Variants in DAB1 observed in about 807,000 individuals in gnomAD.
DAB1 encodes the protein DAB adaptor protein 1.
In DAB1, 15 loss-of-function variants were observed where a neutral mutation model predicts 64.6. The ratio of observed to expected loss-of-function variants is 0.23; its 90% CI spans 0.16 to 0.36. The LOEUF is 0.36. Ranked by LOEUF, DAB1 falls within the 10% of genes least tolerant of loss-of-function variation. The pLI, the probability that DAB1 is intolerant of heterozygous loss-of-function variation, is 1.00. For synonymous variants in DAB1, 235 were observed against 251.9 expected (o/e 0.93, Z 0.64); for missense variants, 596 against 706.7 (o/e 0.84, Z 1.78).
At chr1:57,997,062 C>T (rs1049196980) in intron 5 of DAB1, among the ~76,000 whole-genome samples, 1 of 152,044 alleles carries the variant, frequency 6.6e-6, no homozygotes, top group African/African-American at 2.4e-5. Context: ...TTGCAGTCAG[C>T]ACCAGGGAAA....
chr1:58,403,524 A>G (rs1408273268), intron 3 of DAB1, among the ~76,000 whole-genome samples: 1 of 152,186 alleles, frequency 6.6e-6, no homozygotes, highest in Non-Finnish European at 1.5e-5. Context: ...CAGCAATGTC[A>G]ACTGTTATTT....
chr1:57,744,542 C>A (rs1648170383), intron 6 of DAB1, among the ~76,000 whole-genome samples: 1 of 151,894 alleles, frequency 6.6e-6, no homozygotes, highest in Admixed American at 6.6e-5. Context: ...ATTCTAAGTA[C>A]TTGTAATTTA....
At chr1:57,879,530 GC>G (rs1464383275) in intron 1 of DAB1, among the ~76,000 whole-genome samples, 7 of 152,260 alleles carry the variant, frequency 4.6e-5, no homozygotes, top group African/African-American at 1.7e-4. Flanking sequence ...AAACTAAGAA[GC>G]CTCAGATGGC....
intron 5 of DAB1, among the ~76,000 whole-genome samples, chr1:57,966,213 G>T (rs1311704430): frequency 6.6e-6 from 1 of 152,120 alleles, no homozygotes; most frequent in Non-Finnish European, 1.5e-5. Context: ...AGGAGGTTGC[G>T]ATAAATTAAA....
intron 6 of DAB1, among the ~76,000 whole-genome samples, chr1:57,778,110 C>T (rs1374073625): frequency 6.6e-6 from 1 of 151,998 alleles, no homozygotes; most frequent in African/African-American, 2.4e-5. Flanking sequence ...TTAGAATTCT[C>T]TAGTTGTTCT....
intron 5 of DAB1, among the ~76,000 whole-genome samples, chr1:57,941,122 C>T (rs1002595699): frequency 3.9e-5 from 6 of 152,158 alleles, no homozygotes; most frequent in Admixed American, 2.0e-4. Flanking sequence ...GACAGTGACC[C>T]CTCAACATCC....
At chr1:58,298,624 A>T (rs1662045988) in intron 4 of DAB1, among the ~76,000 whole-genome samples, 1 of 152,246 alleles carries the variant, frequency 6.6e-6, no homozygotes, top group Admixed American at 6.5e-5. Flanking sequence ...GCAATTTGTC[A>T]CTGCACACAT....
intron 5 of DAB1, among the ~76,000 whole-genome samples, chr1:57,916,836 A>G (rs986011818): frequency 1.3e-5 from 2 of 152,068 alleles, no homozygotes; most frequent in Non-Finnish European, 2.9e-5. Flanking sequence ...CCAGCTACTC[A>G]GGAGACTGAG....
At chr1:57,350,742 C>A (rs983536166) in intron 1 of DAB1, among the ~76,000 whole-genome samples, 31 of 148,744 alleles carry the variant, frequency 2.1e-4, no homozygotes, top group African/African-American at 7.1e-4. Flanking sequence ...CAAGTGTCTT[C>A]AAAAAAAAAA....
At chr1:57,411,014 C>A (rs1396759616) in intron 1 of DAB1, among the ~76,000 whole-genome samples, 1 of 152,034 alleles carries the variant, frequency 6.6e-6, no homozygotes, top group East Asian at 1.9e-4. Context: ...GCCCTGGATC[C>A]TAAAATAATT....
chr1:57,606,305 C>T (rs940684582), intron 7 of DAB1: 12 of 147,660 alleles, frequency 8.1e-5, no homozygotes, highest in African/African-American at 3.0e-4. Flanking sequence ...ACACCACTTG[C>T]GACCGCATCA....
At chr1:57,248,119 A>T (rs537285009) in intron 2 of DAB1, among the ~76,000 whole-genome samples, 21 of 152,326 alleles carry the variant, frequency 1.4e-4, no homozygotes, top group Admixed American at 5.9e-4. Context: ...TAACCTGTGC[A>T]TATCCTCCTG....
intron 5 of DAB1, among the ~76,000 whole-genome samples, chr1:58,144,108 G>C (rs1427773620): frequency 6.6e-6 from 1 of 152,144 alleles, no homozygotes; most frequent in Non-Finnish European, 1.5e-5. Flanking sequence ...ATTTAGACGG[G>C]AACTACCAAG....
At chr1:57,422,133 T>C (rs1684961731) in intron 1 of DAB1, among the ~76,000 whole-genome samples, 1 of 152,236 alleles carries the variant, frequency 6.6e-6, no homozygotes, top group Non-Finnish European at 1.5e-5. Context: ...TAGGCGGTTC[T>C]GAACGTAAGC....
At chr1:57,855,187 G>C (rs1461148597) in intron 1 of DAB1, among the ~76,000 whole-genome samples, 2 of 152,072 alleles carry the variant, frequency 1.3e-5, no homozygotes, top group Non-Finnish European at 2.9e-5. Context: ...AGCTGAGGGG[G>C]AGGGGTGCAG....
At chr1:57,598,468 A>C (rs2101581427) in intron 7 of DAB1, among the ~76,000 whole-genome samples, 1 of 152,344 alleles carries the variant, frequency 6.6e-6, no homozygotes, top group Non-Finnish European at 1.5e-5. Flanking sequence ...TAAACAGTTA[A>C]ATGACATACC....
chr1:57,206,308 G>A (rs934162411), intron 2 of DAB1, among the ~76,000 whole-genome samples: 1 of 152,196 alleles, frequency 6.6e-6, no homozygotes, highest in Admixed American at 6.5e-5. Context: ...GAAAGGAGAT[G>A]GTATCTCCCT....
downstream of DAB1, among the ~76,000 whole-genome samples, chr1:57,821,491 T>C (rs561249580): frequency 6.6e-6 from 1 of 152,318 alleles, no homozygotes; most frequent in South Asian, 2.1e-4. Flanking sequence ...TTAAGTGGCA[T>C]TTCTCCCTTT....
chr1:58,473,501 C>T (rs1645385282), intron 3 of DAB1, among the ~76,000 whole-genome samples: 1 of 151,562 alleles, frequency 6.6e-6, no homozygotes, highest in African/African-American at 2.4e-5. Flanking sequence ...GAGATTGTGC[C>T]ACTGCACTCC....
Sources: allele counts gnomAD v4.1 joint callset (sites outside exome capture counted in the v4.1 genomes callset), GRCh38; gene constraint gnomAD v4.1.1; transcripts MANE v1.5; gene names NCBI Gene and HGNC (gene_info 2026-07-23, HGNC 2026-07-21).